Variants in WIF1 observed in about 807,000 individuals in gnomAD.
The protein encoded by WIF1 is Wnt inhibitory factor 1.
A neutral mutation model predicts 53.5 loss-of-function variants in WIF1; 35 were observed. The observed-to-expected ratio is 0.65, with a 90% confidence interval of 0.50 to 0.87. The LOEUF (loss-of-function observed/expected upper bound fraction) is 0.87. Ranked by LOEUF, WIF1 falls within the 40% of genes least tolerant of loss-of-function variation. The pLI, the probability that WIF1 is intolerant of heterozygous loss-of-function variation, is 0.00. For missense variants in WIF1, 467 were observed against 476.8 expected (o/e 0.98, Z 0.19); for synonymous variants, 171 against 170.4 (o/e 1.00, Z -0.03).
At chr12:65,073,484 A>G (rs987490712) in intron 3 of WIF1, among the ~76,000 whole-genome samples, 5 of 152,206 alleles carry the variant, frequency 3.3e-5, no homozygotes, top group African/African-American at 1.2e-4. Flanking sequence ...CAGTAATTTT[A>G]TTGAACCACC....
At chr12:65,089,057 C>T (rs1048348610) in intron 2 of WIF1, among the ~76,000 whole-genome samples, 20 of 152,210 alleles carry the variant, frequency 1.3e-4, no homozygotes, top group African/African-American at 4.6e-4. Flanking sequence ...ATTACACCTA[C>T]ATTTCATTAG....
At chr12:65,101,933 C>T (rs1245133482) in intron 2 of WIF1, among the ~76,000 whole-genome samples, 1 of 152,146 alleles carries the variant, frequency 6.6e-6, no homozygotes, top group African/African-American at 2.4e-5. Flanking sequence ...TTTCTTTGGC[C>T]TAATGACTTT....
chr12:65,117,539 C>G (rs1233430430), intron 2 of WIF1, among the ~76,000 whole-genome samples: 2 of 152,072 alleles, frequency 1.3e-5, no homozygotes, highest in Non-Finnish European at 1.5e-5. Context: ...TTCCATGGAC[C>G]GGGCGGTGGA....
intron 4 of WIF1, among the ~76,000 whole-genome samples, 199 bp downstream of exon 4, chr12:65,068,565 T>A (rs1049562090): frequency 7.9e-5 from 12 of 151,994 alleles, no homozygotes; most frequent in African/African-American, 2.7e-4. Context: ...TCAGAGGAAG[T>A]CTATCTTAGT....
chr12:65,057,138 G>A (rs924661817), intron 7 of WIF1, among the ~76,000 whole-genome samples: 1 of 152,198 alleles, frequency 6.6e-6, no homozygotes, highest in Non-Finnish European at 1.5e-5. Context: ...CAACACAAAA[G>A]TGTGTTTGTG....
intron 2 of WIF1, among the ~76,000 whole-genome samples, chr12:65,099,753 C>T (rs1014362961): frequency 1.4e-4 from 22 of 152,248 alleles, no homozygotes; most frequent in South Asian, 4.1e-4. Flanking sequence ...TTTACAAGCA[C>T]CCATAAGAAT....
chr12:65,086,067 T>C (rs768703785), intron 2 of WIF1, among the ~76,000 whole-genome samples: 1 of 152,144 alleles, frequency 6.6e-6, no homozygotes, highest in Non-Finnish European at 1.5e-5. Context: ...TTTACTTTTA[T>C]TTTTTGAGGA....
intron 6 of WIF1, among the ~76,000 whole-genome samples, chr12:65,065,060 A>ATTCTTTTTTTTTTTTTTT (rs1882667824): frequency 1.3e-5 from 2 of 152,208 alleles, no homozygotes; most frequent in Admixed American, 1.3e-4. Flanking sequence ...CAGGCTGTTA[A>ATTCTTTTTTTTTTTTTTT]TTCTTATTAG....
intron 4 of WIF1, among the ~76,000 whole-genome samples, chr12:65,068,445 C>T (rs56080924): frequency 0.069 from 10,528 of 152,070 alleles, 1,006 homozygotes; most frequent in African/African-American, 0.22. Context: ...TTCATGACCA[C>T]GGGTGAGATA....
chr12:65,056,006 T>A (rs1156585651), intron 8 of WIF1, 25 bp downstream of exon 8: 7 of 1,603,024 alleles, frequency 4.4e-6, no homozygotes, highest in Non-Finnish European at 5.1e-6. Context: ...GTAGCCCAGA[T>A]TGGCAATGTG....
rs151230669 is a variant in WIF1 at position 65,091,794 on chromosome 12, T to C, written c.289-13940A>G. 1.7e-3 allele frequency among the ~76,000 whole-genome samples: 266 copies of C among 152,322 alleles called. 1 individual carries two copies. The highest frequency in any genetic ancestry group is 2.7e-3 in the Non-Finnish European group (186 of 68,034). ...ATACACACAGAAGAGCAAATCATTA[T>C]ATCTGGCTGATCTTTCTGTGTTCAT... On this transcript the variant is annotated intron_variant, in intron 2 of 9. Coordinates refer to ENST00000286574, the MANE Select transcript of WIF1 (RefSeq NM_007191.5).
intron 2 of WIF1, among the ~76,000 whole-genome samples, chr12:65,113,240 G>T (rs549961972): frequency 9.8e-5 from 15 of 152,298 alleles, no homozygotes; most frequent in Non-Finnish European, 1.9e-4. Context: ...GCCTCTTCCA[G>T]AGGTCCGGCA....
intron 9 of WIF1, 150 bp downstream of exon 9, chr12:65,054,968 T>C (rs1882501049): frequency 8.3e-6 from 6 of 725,312 alleles, no homozygotes; most frequent in Non-Finnish European, 1.3e-5. Flanking sequence ...CTGCCTTTAA[T>C]GAAATGGAAA....
chr12:65,071,017 C>G (rs1490801497), intron 3 of WIF1, among the ~76,000 whole-genome samples: 1 of 151,850 alleles, frequency 6.6e-6, no homozygotes, highest in Non-Finnish European at 1.5e-5. Context: ...GGGTGCATCA[C>G]TTGAGATCAG....
chr12:65,096,582 C>T (rs543199929), intron 2 of WIF1, among the ~76,000 whole-genome samples: 61 of 152,278 alleles, frequency 4.0e-4, no homozygotes, highest in African/African-American at 1.5e-3. Context: ...TTTATTGCAG[C>T]ACTATGTACA....
intron 5 of WIF1, among the ~76,000 whole-genome samples, chr12:65,067,397 G>A (rs371833379): frequency 2.0e-5 from 3 of 152,122 alleles, no homozygotes; most frequent in African/African-American, 7.2e-5. Context: ...CTTTCAACTG[G>A]AACAATTTCA....
rs898881236 is a variant in WIF1 at position 65,079,645 on chromosome 12, G to A, written c.289-1791C>T. On this transcript the variant is annotated intron_variant, in intron 2 of 9. Transcript: ENST00000286574. ...TGTCTCAAAAAAAAAAAAAAAAAGCGGAAGGAGAGTTGTGATGGTAACAAT... is the reference window on the plus strand; with the variant it reads ...TGTCTCAAAAAAAAAAAAAAAAAGCAGAAGGAGAGTTGTGATGGTAACAAT... Among the ~76,000 whole-genome samples, 10 of 147,686 alleles carry A rather than the reference G, an allele frequency of 6.8e-5. No individual in the cohort carries two copies. The South Asian group carries it at 1.1e-3, about 16-fold the overall frequency.
Position 65,121,218 on chromosome 12 carries a change from G to A in WIF1, c.-27C>T. 6.9e-7 allele frequency: 1 copy of A among 1,446,372 alleles called. No individual in the cohort carries two copies. Among genetic ancestry groups the A allele is most frequent in the East Asian group, 2.7e-5 (1 of 37,092 alleles). The allele number at this position is 1,446,372 out of a possible 1,614,324, so 89.6% of individuals were successfully genotyped here. A position where few individuals can be genotyped will look rare whatever the true frequency, so the allele number is the denominator to read the frequency against. ...CTGCTCAGGACCTCCTCGCTGCCGG[G>A]AAAACTCCTCGTGCCGCACCTACGC... On this transcript the variant is annotated 5_prime_UTR_variant, in exon 1 of 10. Transcript: ENST00000286574.
chr12:65,054,278 G>C (rs1882490995), intron 9 of WIF1, among the ~76,000 whole-genome samples: 1 of 152,082 alleles, frequency 6.6e-6, no homozygotes, highest in South Asian at 2.1e-4. Flanking sequence ...AAAGTGGACA[G>C]TGGGCCCATG....
Sources: allele counts gnomAD v4.1 joint callset (sites outside exome capture counted in the v4.1 genomes callset), GRCh38; gene constraint gnomAD v4.1.1; transcripts MANE v1.5; gene names NCBI Gene and HGNC (gene_info 2026-07-23, HGNC 2026-07-21).